SHOC1: variants seen among roughly 807,000 people sequenced by gnomAD.
SHOC1 encodes the protein protein shortage in chiasmata 1 ortholog.
Under a neutral mutation model 179.2 loss-of-function variants are expected in SHOC1, and 136 were observed. That is an observed-to-expected ratio of 0.76 (90% CI 0.66 to 0.87). The LOEUF (loss-of-function observed/expected upper bound fraction) is 0.87, where lower values mean the gene tolerates loss of function less well. Among genes scored for constraint, SHOC1 ranks in the 40% least tolerant of loss-of-function variants. SHOC1 has a pLI of 0.00. For synonymous variants in SHOC1, 489 were observed against 586.6 expected (o/e 0.83, Z 2.41); for missense variants, 1,538 against 1,700.8 (o/e 0.90, Z 1.68).
rs112920989 is a variant in SHOC1, at chr9:111,705,170, T to TACAC, written c.2855+73_2855+76dup. 2,022 of 492,374 alleles carry TACAC rather than the reference T, an allele frequency of 4.1e-3. 5 individuals are homozygous for TACAC. Among genetic ancestry groups the TACAC allele is most frequent in the Non-Finnish European group, 4.6e-3 (1,292 of 278,814 alleles). The allele number at this position is 492,374 out of a possible 1,614,324, so 30.5% of individuals were successfully genotyped here. On this transcript the variant is annotated intron_variant, in intron 21 of 27. Coordinates refer to ENST00000682961, the MANE Select transcript of SHOC1 (RefSeq NM_001378211.1). The stretch of plus-strand genomic sequence containing the variant: ...AATATTTAGCCTATCAGAATATATA[T>TACAC]ACACACACACACACACACACACACA...
At chr9:111,731,272 T>G (rs537587425) in intron 12 of SHOC1, among the ~76,000 whole-genome samples, 3 of 152,330 alleles carry the variant, frequency 2.0e-5, no homozygotes, top group African/African-American at 2.4e-5. Flanking sequence ...TTCCTTTGCA[T>G]TCACAACTTG....
chr9:111,779,914 T>C (rs1178764514), intron 4 of SHOC1, among the ~76,000 whole-genome samples: 1 of 152,232 alleles, frequency 6.6e-6, no homozygotes, highest in Non-Finnish European at 1.5e-5. Context: ...ACTTGACTTT[T>C]CCAGTCAAGG....
intron 3 of SHOC1, among the ~76,000 whole-genome samples, chr9:111,782,070 G>A (rs943370508): frequency 1.3e-5 from 2 of 152,128 alleles, no homozygotes; most frequent in Admixed American, 6.5e-5. Flanking sequence ...AAATTATCCA[G>A]GCGTGGTGGT....
At chr9:111,783,805 G>A (rs142915933) in intron 3 of SHOC1, among the ~76,000 whole-genome samples, 165 of 152,266 alleles carry the variant, frequency 1.1e-3, no homozygotes, top group African/African-American at 3.8e-3. Context: ...TTACAGATAG[G>A]TAACAAGGGA....
intron 15 of SHOC1, among the ~76,000 whole-genome samples, chr9:111,721,529 G>A (rs1182422210): frequency 6.6e-6 from 1 of 152,006 alleles, no homozygotes; most frequent in East Asian, 1.9e-4. Context: ...TAGTAGAGAT[G>A]GGGTTTCACC....
Position 111,699,869 on chromosome 9 carries a change from A to G in SHOC1, c.3183+85T>C, listed in dbSNP as rs1179084909. On this transcript the variant is annotated intron_variant, in intron 24 of 27. Coordinates refer to ENST00000682961, the MANE Select transcript of SHOC1 (RefSeq NM_001378211.1). ...ACAGTTTTTAATTCATTTGCTTAAC[A>G]CTTTTTTCTCATTGGGCACTTAAGT... is the stretch of plus-strand genomic sequence containing the variant. The G allele has an allele frequency of 9.5e-6, 7 of 737,236 alleles. No individual in the cohort carries two copies. The East Asian group carries it at 1.5e-4, about 16-fold the overall frequency. The allele number at this position is 737,236 out of a possible 1,614,324, so 45.7% of individuals were successfully genotyped here. A position where few individuals can be genotyped will look rare whatever the true frequency, so the allele number is the denominator to read the frequency against.
In SHOC1 at chr9:111,718,279, T is replaced by A; in HGVS notation, c.2141A>T (p.Asp714Val). ...ATGCTTGAAAGTCATTTCTCTTTCA[T>A]CAATTGTACCTAAGTAAGCAAAAAT... ...VSDAVRQGTI[D>V]EREMTFKHAA... The change falls in exon 16 of 28, where the codon GAT becomes GTT. Residue 714 changes from aspartate to valine, a missense_variant. Transcript: ENST00000682961. 1.3e-6 allele frequency: 2 copies of A among 1,591,006 alleles called. No homozygotes were observed. The highest frequency in any genetic ancestry group is 1.2e-5 in the South Asian group (1 of 86,400).
intron 3 of SHOC1, 92 bp downstream of exon 3, chr9:111,785,820 T>C (rs1048622935): frequency 1.5e-5 from 17 of 1,101,910 alleles, no homozygotes; most frequent in Admixed American, 8.3e-5. Flanking sequence ...GAGTTTTTAA[T>C]TAGTAAAACA....
chr9:111,778,055 T>C (rs1034030047), intron 4 of SHOC1, among the ~76,000 whole-genome samples: 1 of 152,186 alleles, frequency 6.6e-6, no homozygotes, highest in East Asian at 1.9e-4. Flanking sequence ...TCTATAGCAA[T>C]AATTGGTACT....
chr9:111,788,064 C>CTTTTTT (rs35764341), intron 2 of SHOC1, among the ~76,000 whole-genome samples: 8 of 122,736 alleles, frequency 6.5e-5, no homozygotes, highest in Admixed American at 9.7e-5. Context: ...ATAAACATAA[C>CTTTTTT]TTTTTTTTTT....
chr9:111,687,182 A>T (rs1011889406), intron 27 of SHOC1, among the ~76,000 whole-genome samples: 1 of 152,056 alleles, frequency 6.6e-6, no homozygotes, highest in Non-Finnish European at 1.5e-5. Context: ...TCCTGACCTG[A>T]GGTGATCCAC....
chr9:111,722,282 A>T, intron 15 of SHOC1, 127 bp downstream of exon 15: 1 of 798,616 alleles, frequency 1.3e-6, no homozygotes, highest in Non-Finnish European at 1.9e-6. Context: ...GGGTATCACA[A>T]GCTGAATTAC....
chr9:111,756,624 A>T (rs886593228), intron 7 of SHOC1, 146 bp from the exon 8 acceptor site: 1 of 642,992 alleles, frequency 1.6e-6, no homozygotes, highest in Non-Finnish European at 2.6e-6. Flanking sequence ...TATATACTTT[A>T]AAAAAACAGA....
intron 21 of SHOC1, 38 bp from the exon 22 acceptor site, chr9:111,704,030 G>T: frequency 9.0e-7 from 1 of 1,114,756 alleles, no homozygotes. Flanking sequence ...AAAATGAAAT[G>T]CTAATAAAAT....
In SHOC1 at chr9:111,696,624, T is replaced by C. The variant is rs574003469; in HGVS notation, c.3184-2262A>G. On this transcript the variant is annotated intron_variant, in intron 24 of 27. Transcript: ENST00000682961. ...TTTGGAATGGATTGTTCCTAGGCGG[T>C]ACTCCTATTTCATCCCCAAATGCCT... Among the ~76,000 whole-genome samples the C allele has an allele frequency of 2.6e-5, 4 of 151,206 alleles. No individual in the cohort carries two copies. In the South Asian group the frequency reaches 8.4e-4, roughly 32 times the overall value.
intron 8 of SHOC1, 138 bp downstream of exon 8, chr9:111,756,187 C>A (rs2131558573): frequency 1.8e-6 from 1 of 549,900 alleles, no homozygotes; most frequent in South Asian, 3.4e-5. Context: ...CAAAAATAAT[C>A]CTGAGATTTC....
chr9:111,711,449 T>G (rs150998138), intron 18 of SHOC1, among the ~76,000 whole-genome samples: 27 of 152,296 alleles, frequency 1.8e-4, no homozygotes, highest in African/African-American at 6.3e-4. Flanking sequence ...TAACCTGGGA[T>G]TCAATCTGTG....
intron 26 of SHOC1, 139 bp from the exon 27 acceptor site, chr9:111,692,650 A>T: frequency 1.9e-6 from 1 of 515,044 alleles, no homozygotes. Context: ...AAGAACATGA[A>T]ATCATTAGGC....
In SHOC1 at chr9:111,786,004, G is replaced by C; in HGVS notation, c.77C>G (p.Ala26Gly). 1 of 1,516,230 alleles carries C rather than the reference G, an allele frequency of 6.6e-7. No individual in the cohort carries two copies. Among genetic ancestry groups the C allele is most frequent in the Non-Finnish European group, 8.8e-7 (1 of 1,132,684 alleles). 93.9% of individuals were successfully genotyped at this position (1,516,230 alleles called of 1,614,324 possible). Residue 26 changes from alanine (A) to glycine (G), a missense_variant, in exon 3 of 28, where the codon GCT (alanine) becomes GGT (glycine). By Grantham distance (60) the Ala-to-Gly change is moderately conservative. Transcript: ENST00000682961. ...ACATGAAGGGATTCGAAGCAATAAA[G>C]CATCTCTGTAAAACTTCTTTCTAAC... ...NVVRKKFYRD[A>G]LLLRIPSCLY...
Sources: gnomAD v4.1 joint callset for allele counts (sites outside exome capture counted in the v4.1 genomes callset) on GRCh38, gnomAD v4.1.1 for gene constraint, MANE v1.5 for transcripts, NCBI Gene and HGNC (gene_info 2026-07-23, HGNC 2026-07-21) for gene names.